Variants in ATP7A observed in about 807,000 individuals in gnomAD.
ATP7A encodes ATPase copper transporting alpha.
In ATP7A, 7 loss-of-function variants were observed where a neutral mutation model predicts 83.5. The ratio of observed to expected loss-of-function variants is 0.08; its 90% CI spans 0.05 to 0.16. The LOEUF (loss-of-function observed/expected upper bound fraction) is 0.16, where lower values mean the gene tolerates loss of function less well. Among genes scored for constraint, ATP7A ranks in the 10% least tolerant of loss-of-function variants. ATP7A has a pLI of 1.00. For synonymous variants in ATP7A, 354 were observed against 395.2 expected, an observed-to-expected ratio of 0.90 and a Z score of 1.24; for missense variants, 940 against 1,120.8, an observed-to-expected ratio of 0.84 and a Z score of 2.30.
intron 1 of ATP7A, among the ~76,000 whole-genome samples, chrX:77,956,729 T>TTC (rs1557227399): frequency 1.7e-5 from 1 of 60,585 alleles, no homozygotes; most frequent in Non-Finnish European, 3.2e-5. Context: ...CCAGTCTCCT[T>TTC]TCTTTCTTTC....
In ATP7A at chrX:77,989,483, T is replaced by C; in HGVS notation, c.861T>C (p.His287=). Reference sequence around the variant, plus strand: ...CCACTTTCATCATTGATGGCATGCATTGTAAATCATGTGTGTCAAATATTG... The same window carrying C: ...CCACTTTCATCATTGATGGCATGCACTGTAAATCATGTGTGTCAAATATTG... ...STATFIIDGM[H]CKSCVSNIES... is the part of the protein sequence containing the mutation. Residue 287 remains histidine, a synonymous_variant, in exon 4 of 23, where the codon CAT becomes CAC. Transcript: ENST00000341514. 1 of 1,211,765 alleles carries C rather than the reference T, an allele frequency of 8.3e-7. No individual in the cohort carries two copies. Among genetic ancestry groups the C allele is most frequent in the South Asian group, 1.8e-5 (1 of 57,005 alleles).
At chrX:77,946,279 G>A (rs1557226163) in intron 1 of ATP7A, among the ~76,000 whole-genome samples, 1 of 103,820 alleles carries the variant, frequency 9.6e-6, no homozygotes, top group African/African-American at 3.6e-5. Context: ...CAGCCTGGGT[G>A]ACAGGGCGAG....
chrX:78,019,284 A>G (rs1333061493), intron 12 of ATP7A, among the ~76,000 whole-genome samples: 1 of 111,273 alleles, frequency 9.0e-6, no homozygotes, highest in African/African-American at 3.3e-5. Context: ...ATCAGGGTCT[A>G]CTCTAAGGGA....
chrX:78,026,325 A>T (rs781785436), intron 14 of ATP7A, among the ~76,000 whole-genome samples: 4 of 112,177 alleles, frequency 3.6e-5, no homozygotes, highest in Admixed American at 9.5e-5. Flanking sequence ...CAATAGTTTT[A>T]AAAAAAGGCA....
chrX:77,923,094 G>A (rs781827652), intron 1 of ATP7A: 3 of 112,341 alleles, frequency 2.7e-5, no homozygotes, highest in Non-Finnish European at 3.8e-5. Context: ...TCTGTCTGAT[G>A]CCAAAGGTGG....
At position 78,009,111 on chromosome X, in the gene ATP7A, A is replaced by G; in HGVS notation, c.1717A>G (p.Met573Val). 8.3e-7 allele frequency: 1 copy of G among 1,210,837 alleles called. No individual in the cohort carries two copies. Reference protein sequence around the residue: ...DGVLELVVRGMTCASCVHKIE... With the variant: ...DGVLELVVRGVTCASCVHKIE... The stretch of plus-strand genomic sequence containing the variant: ...GCTTTGTCTTTAACAGGTGAGGGGA[A>G]TGACGTGTGCCTCCTGCGTACATAA... The change falls in exon 7 of 23, where the codon ATG becomes GTG. Residue 573 changes from methionine (M) to valine (V), a missense_variant. Transcript: ENST00000341514.
intron 1 of ATP7A, among the ~76,000 whole-genome samples, chrX:77,946,774 C>T (rs2077382605): frequency 9.7e-6 from 1 of 103,272 alleles, no homozygotes; most frequent in Non-Finnish European, 2.0e-5. Context: ...CAAGTGTTGG[C>T]GAGAAACTGG....
At chrX:78,036,607 G>A (rs1352648195) in intron 17 of ATP7A, among the ~76,000 whole-genome samples, 4 of 111,633 alleles carry the variant, frequency 3.6e-5, no homozygotes, top group South Asian at 3.7e-4. Context: ...TAAACCGGGC[G>A]CGGTGACTCA....
chrX:77,965,544 A>T, intron 1 of ATP7A: 1 of 233,682 alleles, frequency 4.3e-6, no homozygotes, highest in Admixed American at 4.8e-5. Context: ...GGGCCCTTAT[A>T]TACTGCTCAT....
At chrX:78,009,011 C>G in intron 6 of ATP7A, 91 bp from the exon 7 acceptor site, 3 of 961,881 alleles carry the variant, frequency 3.1e-6, no homozygotes, top group Non-Finnish European at 4.3e-6. Flanking sequence ...GCGAGAGACT[C>G]TGTCTCAAAA....
chrX:77,988,673 A>G lies in ATP7A; in HGVS notation c.552A>G (p.Ser184=), dbSNP rs1557231655. 1.7e-6 allele frequency: 2 copies of G among 1,211,229 alleles called. No individual in the cohort carries two copies. Among genetic ancestry groups the G allele is most frequent in the South Asian group, 1.8e-5 (1 of 56,975 alleles). Residue 184 remains serine, a synonymous_variant, in exon 3 of 23, where the codon TCA becomes TCG. Coordinates refer to ENST00000341514, the MANE Select transcript of ATP7A (RefSeq NM_000052.7). ...KMKVEGMTCH[S]CTSTIEGKIG... Reference sequence around the variant, plus strand: ...AAGTGGAAGGGATGACCTGCCATTCATGTACTAGCACTATTGAAGGAAAAA... The same window carrying G: ...AAGTGGAAGGGATGACCTGCCATTCGTGTACTAGCACTATTGAAGGAAAAA...
chrX:77,985,460 T>G (rs1235341510), intron 2 of ATP7A, among the ~76,000 whole-genome samples: 4 of 110,647 alleles, frequency 3.6e-5, no homozygotes, highest in African/African-American at 1.3e-4. Context: ...AGGGCAAGAA[T>G]CCTTTACGTT....
intron 1 of ATP7A, among the ~76,000 whole-genome samples, chrX:77,950,735 A>G (rs965668622): frequency 1.2e-4 from 13 of 111,521 alleles, no homozygotes; most frequent in African/African-American, 4.2e-4. Flanking sequence ...ATTAATAAAA[A>G]AATGTCGTCC....
intron 1 of ATP7A, among the ~76,000 whole-genome samples, chrX:77,937,550 G>GTC (rs1179768861): frequency 9.0e-6 from 1 of 111,671 alleles, no homozygotes; most frequent in Non-Finnish European, 1.9e-5. Context: ...CTAAAAATTG[G>GTC]AAACAACCCA....
At chrX:78,020,708 A>G (rs1486246193) in intron 13 of ATP7A, among the ~76,000 whole-genome samples, 2 of 110,595 alleles carry the variant, frequency 1.8e-5, no homozygotes, top group South Asian at 3.8e-4. Flanking sequence ...TTTTATAGAA[A>G]CAGGGTCTCC....
chrX:77,951,754 A>AT (rs782113158), intron 1 of ATP7A, among the ~76,000 whole-genome samples: 2 of 110,632 alleles, frequency 1.8e-5, no homozygotes, highest in Non-Finnish European at 3.8e-5. Flanking sequence ...TAATTTTTGT[A>AT]TTTTTTTAGT....
chrX:77,939,588 ATAC>A (rs1359401787), intron 1 of ATP7A, among the ~76,000 whole-genome samples: 1 of 111,061 alleles, frequency 9.0e-6, no homozygotes, highest in Non-Finnish European at 1.9e-5. Flanking sequence ...ATAAACAGAT[ATAC>A]ATTTACATTA....
intron 1 of ATP7A, among the ~76,000 whole-genome samples, chrX:77,959,067 T>C (rs1234327922): frequency 9.0e-6 from 1 of 110,943 alleles, no homozygotes; most frequent in Admixed American, 9.6e-5. Flanking sequence ...GGATTACAGG[T>C]GTGAGCCAAC....
chrX:77,990,880 A>C (rs1557232004), intron 4 of ATP7A, among the ~76,000 whole-genome samples: 1 of 112,181 alleles, frequency 8.9e-6, no homozygotes, highest in East Asian at 2.8e-4. Context: ...AAATAGTAGT[A>C]TTCCCTTTTT....
Sources: allele counts gnomAD v4.1 joint callset (sites outside exome capture counted in the v4.1 genomes callset), GRCh38; gene constraint gnomAD v4.1.1; transcripts MANE v1.5; gene names NCBI Gene and HGNC (gene_info 2026-07-23, HGNC 2026-07-21).